LPAR1: variants seen among roughly 807,000 people sequenced by gnomAD.
The protein encoded by LPAR1 is LPA receptor 1.
A neutral mutation model predicts 23.8 loss-of-function variants in LPAR1; 5 were observed. The ratio of observed to expected loss-of-function variants is 0.21; its 90% confidence interval spans 0.11 to 0.44. The LOEUF is 0.44. LPAR1 is among the 20% of genes least tolerant of loss of function. The pLI, the probability that LPAR1 is intolerant of heterozygous loss-of-function variation, is 0.99. For missense variants in LPAR1, 311 were observed against 482.8 expected (o/e 0.64, Z 3.33); for synonymous variants, 160 against 164.7 (o/e 0.97, Z 0.22).
chr9:111,030,798 G>C (rs936457514), intron 2 of LPAR1, among the ~76,000 whole-genome samples: 1 of 152,172 alleles, frequency 6.6e-6, no homozygotes, highest in Admixed American at 6.5e-5. Context: ...TGCTGCACCA[G>C]TTCAAGAAGG....
chr9:110,952,490 T>C (rs2095600360), intron 4 of LPAR1, among the ~76,000 whole-genome samples: 1 of 151,960 alleles, frequency 6.6e-6, no homozygotes, highest in African/African-American at 2.4e-5. Flanking sequence ...AAGACCCTCC[T>C]CTCTCCACAT....
chr9:110,885,953 T>G (rs2082252058), intron 5 of LPAR1, among the ~76,000 whole-genome samples: 1 of 150,310 alleles, frequency 6.7e-6, no homozygotes, highest in African/African-American at 2.4e-5. Flanking sequence ...ATTCCAGCAC[T>G]TTGGGAGGCT....
chr9:110,990,685 C>G (rs2096876435), intron 2 of LPAR1, among the ~76,000 whole-genome samples: 1 of 151,718 alleles, frequency 6.6e-6, no homozygotes, highest in African/African-American at 2.4e-5. Flanking sequence ...CTTTTACCAT[C>G]AAAAACTAGA....
chr9:110,992,435 T>C (rs2096914431), intron 2 of LPAR1, among the ~76,000 whole-genome samples: 1 of 152,218 alleles, frequency 6.6e-6, no homozygotes, highest in Admixed American at 6.5e-5. Context: ...GAAAATAATC[T>C]GACAGTTTCT....
chr9:110,951,260 G>T (rs1021318004), intron 4 of LPAR1, among the ~76,000 whole-genome samples: 2 of 151,714 alleles, frequency 1.3e-5, no homozygotes, highest in African/African-American at 2.4e-5. Context: ...TCTGAAGAGG[G>T]GAATATTTCT....
intron 5 of LPAR1, among the ~76,000 whole-genome samples, chr9:110,919,924 C>T (rs1488687168): frequency 3.9e-5 from 6 of 152,216 alleles, no homozygotes; most frequent in Non-Finnish European, 5.9e-5. Context: ...AACCCCAAAG[C>T]TGCACATCTA....
At chr9:110,960,814 A>C (rs1021008821) in intron 4 of LPAR1, among the ~76,000 whole-genome samples, 1 of 152,206 alleles carries the variant, frequency 6.6e-6, no homozygotes, top group Non-Finnish European at 1.5e-5. Flanking sequence ...TGCAACTTTT[A>C]ATCAGGTAAC....
At chr9:110,959,189 C>G (rs1381016788) in intron 4 of LPAR1, among the ~76,000 whole-genome samples, 1 of 54,618 alleles carries the variant, frequency 1.8e-5, no homozygotes, top group Non-Finnish European at 3.3e-5. Flanking sequence ...AAAAAAACCA[C>G]TAAAACCAGA....
intron 2 of LPAR1, chr9:110,999,458 C>T (rs1457976494): frequency 2.2e-6 from 1 of 455,586 alleles, no homozygotes; most frequent in Non-Finnish European, 4.4e-6. Context: ...CCATGCAGCC[C>T]TGCTTTCTAA....
intron 5 of LPAR1, among the ~76,000 whole-genome samples, chr9:110,876,631 G>T (rs1360318610): frequency 2.6e-5 from 4 of 152,306 alleles, no homozygotes; most frequent in African/African-American, 7.2e-5. Context: ...TCAAGCTCTA[G>T]AAAATATTAC....
At chr9:110,882,383 C>T (rs1365168567) in intron 5 of LPAR1, among the ~76,000 whole-genome samples, 3 of 151,998 alleles carry the variant, frequency 2.0e-5, no homozygotes, top group East Asian at 3.9e-4. Context: ...TACATATATC[C>T]CAAACAAGAA....
At chr9:110,938,717 A>C (rs1053038715) in intron 5 of LPAR1, among the ~76,000 whole-genome samples, 11 of 151,754 alleles carry the variant, frequency 7.2e-5, no homozygotes, top group Admixed American at 7.2e-4. Context: ...AGAAAAAAAA[A>C]AATCTGGGTA....
chr9:110,957,592 T>G (rs943049805), intron 4 of LPAR1, among the ~76,000 whole-genome samples: 20 of 152,052 alleles, frequency 1.3e-4, no homozygotes, highest in African/African-American at 4.8e-4. Flanking sequence ...TACCTTAACC[T>G]AATAAAGCCT....
chr9:110,940,744 A>C (rs1479437331), intron 5 of LPAR1, among the ~76,000 whole-genome samples: 2 of 152,228 alleles, frequency 1.3e-5, no homozygotes, highest in Non-Finnish European at 2.9e-5. Flanking sequence ...CTTCTTGATC[A>C]CTACTATGAA....
At chr9:111,023,078 C>A (rs894104084) in intron 2 of LPAR1, among the ~76,000 whole-genome samples, 3 of 141,508 alleles carry the variant, frequency 2.1e-5, no homozygotes, top group South Asian at 2.2e-4. Context: ...AAAAAAAAAA[C>A]CCTGCTATTT....
intron 5 of LPAR1, among the ~76,000 whole-genome samples, chr9:110,881,003 C>A (rs2080608289): frequency 6.6e-6 from 1 of 152,148 alleles, no homozygotes; most frequent in Admixed American, 6.5e-5. Context: ...AGTCTTGCAG[C>A]TAAGGGTTCA....
At chr9:110,982,729 A>C (rs1289391193) in intron 2 of LPAR1, among the ~76,000 whole-genome samples, 1 of 152,020 alleles carries the variant, frequency 6.6e-6, no homozygotes, top group African/African-American at 2.4e-5. Context: ...TAAGTGGAAC[A>C]GAAGTTACTT....
chr9:110,966,518 A>C (rs569207517), intron 4 of LPAR1, among the ~76,000 whole-genome samples: 41 of 152,004 alleles, frequency 2.7e-4, no homozygotes, highest in African/African-American at 9.6e-4. Context: ...TGATGGGTTG[A>C]TAGGTACAGC....
chr9:110,950,463 TAAAA>T (rs56274036), intron 4 of LPAR1, among the ~76,000 whole-genome samples: 4 of 122,028 alleles, frequency 3.3e-5, no homozygotes, highest in Admixed American at 8.2e-5. Context: ...AGACTCTGTC[TAAAA>T]AAAAAAAAAA....
Sources: gnomAD v4.1 joint callset for allele counts (sites outside exome capture counted in the v4.1 genomes callset) on GRCh38, gnomAD v4.1.1 for gene constraint, MANE v1.5 for transcripts, NCBI Gene and HGNC (gene_info 2026-07-23, HGNC 2026-07-21) for gene names.